Variants in WNK1 observed in about 807,000 individuals in gnomAD.
WNK1 encodes the protein serine/threonine-protein kinase WNK1.
A neutral mutation model predicts 222.8 loss-of-function variants in WNK1; 38 were observed. That is an observed-to-expected ratio of 0.17 (90% CI 0.13 to 0.22). The LOEUF is 0.22. Ranked by LOEUF, WNK1 falls within the 10% of genes least tolerant of loss-of-function variation. The pLI is 1.00. For missense variants in WNK1, 2,348 were observed against 2,918.4 expected (o/e 0.80, Z 4.50); for synonymous variants, 1,090 against 1,092.9 (o/e 1.00, Z 0.05).
chr12:858,498 C>T (rs1478376498), intron 5 of WNK1, among the ~76,000 whole-genome samples: 1 of 152,106 alleles, frequency 6.6e-6, no homozygotes, highest in East Asian at 1.9e-4. Flanking sequence ...CCTGTTTCAA[C>T]TCTTGTTGGA....
At chr12:767,674 G>A (rs1174160800) in intron 1 of WNK1, among the ~76,000 whole-genome samples, 1 of 152,042 alleles carries the variant, frequency 6.6e-6, no homozygotes, top group Non-Finnish European at 1.5e-5. Flanking sequence ...GTGGGTTCAG[G>A]GTGAGGGAAA....
At chr12:778,312 AT>A (rs1230652631) in intron 1 of WNK1, among the ~76,000 whole-genome samples, 15 of 150,652 alleles carry the variant, frequency 1.0e-4, no homozygotes, top group East Asian at 5.8e-4. Flanking sequence ...TTTATTATTA[AT>A]TTTTTTTTCG....
chr12:908,861 G>GGGGGGGGGGGGGGGGGGGGGGCCC lies in WNK1; in HGVS notation c.*69_*70insGGGGGGGGGGGGGGGGGGGGGCCC. 2.0e-6 allele frequency: 1 copy of GGGGGGGGGGGGGGGGGGGGGGCCC among 491,846 alleles called. No individual in the cohort carries two copies. Among genetic ancestry groups the GGGGGGGGGGGGGGGGGGGGGGCCC allele is most frequent in the Non-Finnish European group, 4.1e-6 (1 of 241,770 alleles). The allele number at this position is 491,846 out of a possible 1,614,324, so 30.5% of individuals were successfully genotyped here. A position where few individuals can be genotyped will look rare whatever the true frequency, so the allele number is the denominator to read the frequency against. ...ATGCTGAGGGGGTGGGTGGGGGTGG[G>GGGGGGGGGGGGGGGGGGGGGGCCC]AAGTAGCCTATATACTAACTACTAG... On this transcript the variant is annotated 3_prime_UTR_variant, in exon 28 of 28. Coordinates refer to ENST00000315939, the MANE Select transcript of WNK1 (RefSeq NM_018979.4).
At chr12:810,921 C>T (rs2154006816) in intron 1 of WNK1, among the ~76,000 whole-genome samples, 1 of 152,258 alleles carries the variant, frequency 6.6e-6, no homozygotes, top group South Asian at 2.1e-4. Flanking sequence ...ATGAAGAGGT[C>T]ATGTGACACG....
intron 25 of WNK1, among the ~76,000 whole-genome samples, chr12:899,586 C>G (rs1033044925): frequency 6.6e-6 from 1 of 152,094 alleles, no homozygotes; most frequent in Admixed American, 6.6e-5. Flanking sequence ...CAGCTATGAT[C>G]CTAATCAAAT....
At position 889,206 on chromosome 12, in the gene WNK1, G is replaced by T; in HGVS notation, c.5431G>T (p.Val1811Leu). The T allele has an allele frequency of 6.2e-7, 1 of 1,614,068 alleles. No individual in the cohort carries two copies. ...AACACTTAGTCCAGAGATGATCACA[G>T]TGACTTCTGCGGTTGGTGTAAGTTT... ...RRTLSPEMITVTSAVGPVSMA... is the reference protein window; with the variant it reads ...RRTLSPEMITLTSAVGPVSMA... The change falls in exon 21 of 28, where the codon GTG becomes TTG. Residue 1811 changes from valine to leucine, a missense_variant. Around this residue, in one of 13 missense-constraint regions of WNK1, gnomAD observed 1,144 missense variants for 1,273.6 expected, o/e 0.90. Coordinates refer to ENST00000315939, the MANE Select transcript of WNK1 (RefSeq NM_018979.4).
At chr12:870,743 CT>C (rs1225434868) in intron 8 of WNK1, among the ~76,000 whole-genome samples, 1 of 152,162 alleles carries the variant, frequency 6.6e-6, no homozygotes, top group African/African-American at 2.4e-5. Context: ...AAGTGCCCCC[CT>C]GGGGGTGGCA....
intron 4 of WNK1, among the ~76,000 whole-genome samples, chr12:844,986 C>T (rs941776848): frequency 2.7e-5 from 4 of 148,046 alleles, no homozygotes; most frequent in East Asian, 2.0e-4. Context: ...AGCTCCGCCT[C>T]CCGGGTTCAC....
chr12:826,388 C>T lies in WNK1; in HGVS notation c.933-654C>T, dbSNP rs116635138. ...ATGCTGTGGTCATTCCAAACTCAGTCGCCATTTCTGTCTGGGGTTTAGCAG... is the reference window on the plus strand; with the variant it reads ...ATGCTGTGGTCATTCCAAACTCAGTTGCCATTTCTGTCTGGGGTTTAGCAG... On this transcript the variant is annotated intron_variant, in intron 2 of 27. Coordinates refer to ENST00000315939, the MANE Select transcript of WNK1 (RefSeq NM_018979.4). Among the ~76,000 whole-genome samples the T allele has an allele frequency of 2.6e-3, 389 of 152,254 alleles. 1 individual carries two copies. Among genetic ancestry groups the T allele is most frequent in the African/African-American group, 8.8e-3 (365 of 41,546 alleles).
chr12:798,533 T>C (rs189625559), intron 1 of WNK1, among the ~76,000 whole-genome samples: 43 of 152,318 alleles, frequency 2.8e-4, no homozygotes, highest in African/African-American at 8.2e-4. Context: ...CCATCCAGTA[T>C]ATCGAGTCTT....
intron 1 of WNK1, among the ~76,000 whole-genome samples, chr12:778,590 CA>C (rs1414027097): frequency 4.0e-5 from 6 of 151,488 alleles, no homozygotes; most frequent in Non-Finnish European, 8.8e-5. Context: ...CTCAGCCTGC[CA>C]AAGTGCTGGG....
intron 1 of WNK1, among the ~76,000 whole-genome samples, chr12:784,452 G>C (rs74404669): frequency 0.069 from 10,464 of 152,028 alleles, 420 homozygotes; most frequent in African/African-American, 0.088. Flanking sequence ...TGATGTGATT[G>C]TCTTATTTTA....
At chr12:820,330 T>C (rs545147387) in intron 2 of WNK1, among the ~76,000 whole-genome samples, 1 of 152,284 alleles carries the variant, frequency 6.6e-6, no homozygotes, top group East Asian at 1.9e-4. Context: ...AATGAAATTG[T>C]TTTCTTAATT....
chr12:760,225 T>C (rs1055491804), intron 1 of WNK1, among the ~76,000 whole-genome samples: 1 of 148,144 alleles, frequency 6.8e-6, no homozygotes, highest in Non-Finnish European at 1.5e-5. Flanking sequence ...AAGCATATTT[T>C]CTTTTGGTGG....
chr12:883,869 TAAG>T lies in WNK1; in HGVS notation c.3721+42_3721+44del, dbSNP rs773394499. 10 of 1,608,262 alleles carry T rather than the reference TAAG, an allele frequency of 6.2e-6. No homozygotes were observed. In the South Asian group the frequency reaches 1.1e-4, roughly 18 times the overall value. On this transcript the variant is annotated intron_variant, in intron 17 of 27. Transcript: ENST00000315939. Reference sequence around the variant, plus strand: ...TCTTTCCTTGTTTTTACCTTTGACTTAAGAAGCCATTAGCCGAGGGTGGTGGCA... The same window carrying T: ...TCTTTCCTTGTTTTTACCTTTGACTTAAGCCATTAGCCGAGGGTGGTGGCA...
At chr12:883,159 A>C in intron 15 of WNK1, 100 bp downstream of exon 15, 3 of 1,048,074 alleles carry the variant, frequency 2.9e-6, no homozygotes. Flanking sequence ...ATGTTTTTTT[A>C]AAGTTATGCA....
In WNK1 at chr12:881,755, A is replaced by C. The variant is rs886049924; in HGVS notation, c.3175A>C (p.Thr1059Pro). ...EPVAVAQTQA[T>P]QPTTLASSVD... is the part of the protein sequence containing the mutation. ...AGTTGCAGTAGCACAGACCCAAGCT[A>C]CCCAGCCGACCACTTTGGCTTCCTC... Residue 1059 changes from threonine to proline, a missense_variant, in exon 13 of 28, where the codon ACC becomes CCC. Around this residue, in one of 13 missense-constraint regions of WNK1, gnomAD observed 547 missense variants for 558.3 expected, o/e 0.98. Coordinates refer to ENST00000315939, the MANE Select transcript of WNK1 (RefSeq NM_018979.4). The C allele has an allele frequency of 6.2e-7, 1 of 1,614,182 alleles. No individual in the cohort carries two copies. The highest frequency in any genetic ancestry group is 8.5e-7 in the Non-Finnish European group (1 of 1,180,020).
rs188207052 is a variant in WNK1, at chr12:825,086, G to A, written c.933-1956G>A. On this transcript the variant is annotated intron_variant, in intron 2 of 27. Coordinates refer to ENST00000315939, the MANE Select transcript of WNK1 (RefSeq NM_018979.4). ...AGGATAGAATAAATTATTATTGTAC[G>A]ATTGAATGAGTTTTGACAAGGCATT... 2.2e-4 allele frequency among the ~76,000 whole-genome samples: 34 copies of A among 152,132 alleles called. 1 individual carries two copies. The East Asian group carries it at 5.8e-3, about 26-fold the overall frequency.
chr12:767,227 T>C (rs1228054388), intron 1 of WNK1, among the ~76,000 whole-genome samples: 1 of 142,532 alleles, frequency 7.0e-6, no homozygotes, highest in Non-Finnish European at 1.5e-5. Context: ...ACTTTCTGGG[T>C]TGATAGGTTT....
Sources: allele counts gnomAD v4.1 joint callset (sites outside exome capture counted in the v4.1 genomes callset), GRCh38; gene constraint gnomAD v4.1.1; regional missense constraint gnomAD v4.1.1; transcripts MANE v1.5; gene names NCBI Gene and HGNC (gene_info 2026-07-23, HGNC 2026-07-21).